Variants in ANK2 observed in about 807,000 individuals in gnomAD.
The protein encoded by ANK2 is ankyrin 2.
ANK2 carries 83 observed loss-of-function variants against 360.5 expected under a neutral mutation model. That is an observed-to-expected ratio of 0.23 (90% CI 0.19 to 0.28). ANK2 has a LOEUF of 0.28. ANK2 is among the 10% of genes least tolerant of loss of function. The pLI is 1.00. For synonymous variants in ANK2, 1,740 were observed against 1,759.5 expected (o/e 0.99, Z 0.28); for missense variants, 4,201 against 4,795.7 (o/e 0.88, Z 3.66).
At chr4:113,036,398 T>C (rs570766198) in intron 2 of ANK2, among the ~76,000 whole-genome samples, 1 of 152,078 alleles carries the variant, frequency 6.6e-6, no homozygotes, top group East Asian at 1.9e-4. Flanking sequence ...AAGTAAGTTA[T>C]ATGATTTGTT....
intron 20 of ANK2, among the ~76,000 whole-genome samples, chr4:113,288,710 G>A (rs191906433): frequency 1.3e-5 from 2 of 152,168 alleles, no homozygotes; most frequent in Non-Finnish European, 2.9e-5. Context: ...TAAAGTTAAA[G>A]TAGCTGACAT....
chr4:113,279,723 T>C (rs2061540336), intron 17 of ANK2, among the ~76,000 whole-genome samples: 1 of 148,980 alleles, frequency 6.7e-6, no homozygotes, highest in African/African-American at 2.4e-5. Flanking sequence ...ATCATAAATA[T>C]ATAACTTTGT....
chr4:113,174,392 A>C, intron 1 of ANK2, 24 bp from the exon 2 acceptor site: 2 of 1,574,572 alleles, frequency 1.3e-6, no homozygotes, highest in Non-Finnish European at 8.7e-7. Flanking sequence ...ATAGTTCATT[A>C]AAGGTCTTTT....
intron 2 of ANK2, among the ~76,000 whole-genome samples, chr4:113,179,561 A>C (rs2098340241): frequency 6.6e-6 from 1 of 152,324 alleles, no homozygotes; most frequent in African/African-American, 2.4e-5. Flanking sequence ...TTTCTTTTTT[A>C]AATGATTACT....
Position 113,358,493 on chromosome 4 carries a change from T to A in ANK2, c.9875T>A (p.Met3292Lys), listed in dbSNP as rs1439525696. Residue 3292 changes from methionine (M) to lysine (K), a missense_variant, in exon 38 of 46, where the codon ATG (methionine) becomes AAG (lysine). Transcript: ENST00000357077. ...GTAATCGAGATTCCTACTGCACCCA[T>A]GGAGAATGTGCCTTTTACTGAAAGC... ...KSVIEIPTAP[M>K]ENVPFTESKS... 2 of 1,614,116 alleles carry A rather than the reference T, an allele frequency of 1.2e-6. No homozygotes were observed. Among genetic ancestry groups the A allele is most frequent in the Non-Finnish European group, 8.5e-7 (1 of 1,179,976 alleles).
intron 2 of ANK2, among the ~76,000 whole-genome samples, chr4:112,994,967 C>T (rs1017802648): frequency 2.6e-5 from 4 of 152,166 alleles, no homozygotes; most frequent in East Asian, 1.9e-4. Context: ...TAGTATTCCA[C>T]GCTGTATATG....
intron 2 of ANK2, among the ~76,000 whole-genome samples, chr4:113,016,193 A>AT (rs1253239338): frequency 1.3e-5 from 2 of 152,062 alleles, no homozygotes; most frequent in Admixed American, 1.3e-4. Context: ...CCTGACCTGT[A>AT]TTTTTTCAAA....
intron 1 of ANK2, among the ~76,000 whole-genome samples, chr4:112,866,364 A>G (rs17672547): frequency 0.019 from 2,860 of 152,290 alleles, 95 homozygotes; most frequent in African/African-American, 0.065. Context: ...ATGGGAAGGA[A>G]CCACTTATGT....
intron 2 of ANK2, among the ~76,000 whole-genome samples, chr4:112,958,329 C>T (rs1392457065): frequency 6.6e-6 from 1 of 152,350 alleles, no homozygotes; most frequent in Non-Finnish European, 1.5e-5. Flanking sequence ...AACCAGACTC[C>T]ATCTGCAATC....
intron 2 of ANK2, among the ~76,000 whole-genome samples, chr4:113,042,465 T>C (rs1192078089): frequency 1.3e-5 from 2 of 152,192 alleles, no homozygotes; most frequent in African/African-American, 4.8e-5. Context: ...TCTATTTCTC[T>C]AGAGAACTCT....
In ANK2 at chr4:113,330,438, C is replaced by T. The variant is rs767037865; in HGVS notation, c.3093C>T (p.Ile1031=). ...VEGEGLASRL[I]EVGPSGAQFL... ...GAGAAGGCCTGGCCAGTCGCCTGAT[C>T]GAAGTTGGACCTTCTGGTGCTCAGT... The change falls in exon 27 of 46, where the codon ATC becomes ATT. Residue 1031 remains isoleucine, a synonymous_variant. Transcript: ENST00000357077. 20 of 1,614,054 alleles carry T rather than the reference C, an allele frequency of 1.2e-5. No homozygotes were observed. The highest frequency in any genetic ancestry group is 5.3e-5 in the African/African-American group (4 of 74,932).
chr4:112,941,950 ATACT>A (rs999194912), intron 2 of ANK2, among the ~76,000 whole-genome samples: 3 of 151,318 alleles, frequency 2.0e-5, no homozygotes, highest in African/African-American at 7.3e-5. Flanking sequence ...AAATAAAATA[ATACT>A]TATAATATTT....
chr4:112,900,349 C>T (rs1400492473), intron 1 of ANK2, among the ~76,000 whole-genome samples: 1 of 152,076 alleles, frequency 6.6e-6, no homozygotes, highest in Admixed American at 6.6e-5. Context: ...CTATCTCAAA[C>T]CTGCCTTTTT....
intron 1 of ANK2, among the ~76,000 whole-genome samples, chr4:113,065,688 G>C (rs535821715): frequency 4.6e-5 from 7 of 152,242 alleles, no homozygotes; most frequent in Non-Finnish European, 1.0e-4. Flanking sequence ...TTTTGGGAGA[G>C]GTATAGCTTT....
intron 22 of ANK2, among the ~76,000 whole-genome samples, chr4:113,293,756 A>T (rs1182218436): frequency 6.6e-6 from 1 of 152,248 alleles, no homozygotes; most frequent in Non-Finnish European, 1.5e-5. Context: ...ATCTATCCCT[A>T]TAAAAATGTG....
At chr4:113,102,723 A>G (rs901754430) in intron 1 of ANK2, among the ~76,000 whole-genome samples, 16 of 152,170 alleles carry the variant, frequency 1.1e-4, no homozygotes, top group Non-Finnish European at 2.1e-4. Flanking sequence ...TCAAATCTCT[A>G]TGAGATTTGG....
intron 34 of ANK2, among the ~76,000 whole-genome samples, chr4:113,344,305 C>T (rs185565916): frequency 4.5e-4 from 69 of 152,112 alleles, no homozygotes; most frequent in South Asian, 3.1e-3. Context: ...TGTTCAACAG[C>T]GTAGGGAAAT....
chr4:113,180,941 C>A (rs997370945), intron 2 of ANK2, among the ~76,000 whole-genome samples: 1 of 152,174 alleles, frequency 6.6e-6, no homozygotes, highest in African/African-American at 2.4e-5. Context: ...TAATCTCTTT[C>A]GATGCATCAG....
chr4:112,805,219 G>A, the ANK2 span, among the ~76,000 whole-genome samples: 6 of 152,086 alleles, frequency 3.9e-5, no homozygotes, highest in Non-Finnish European at 5.9e-5. Context: ...TGAAAGACAC[G>A]TATAATTGCA....
Sources: gnomAD v4.1 joint callset for allele counts (sites outside exome capture counted in the v4.1 genomes callset) on GRCh38, gnomAD v4.1.1 for gene constraint, MANE v1.5 for transcripts, NCBI Gene and HGNC (gene_info 2026-07-23, HGNC 2026-07-21) for gene names.